GIGYF2: variants seen among roughly 807,000 people sequenced by gnomAD.
GIGYF2 encodes GRB10-interacting GYF protein 2.
GIGYF2 carries 25 observed loss-of-function variants against 208.1 expected under a neutral mutation model. The observed-to-expected ratio is 0.12, with a 90% CI of 0.09 to 0.17. The LOEUF (loss-of-function observed/expected upper bound fraction) is 0.17. GIGYF2 is among the 10% of genes least tolerant of loss of function. The probability of loss-of-function intolerance (pLI) is 1.00; values close to 1 mark genes in which losing one functional copy is unlikely to be tolerated. For synonymous variants in GIGYF2, 534 were observed against 543.8 expected, an observed-to-expected ratio of 0.98 and a Z score of 0.25; for missense variants, 1,302 against 1,579.4, an observed-to-expected ratio of 0.82 and a Z score of 2.98.
chr2:232,784,376 G>A (rs1311741689), intron 8 of GIGYF2, among the ~76,000 whole-genome samples: 3 of 129,962 alleles, frequency 2.3e-5, no homozygotes, highest in Non-Finnish European at 3.3e-5. Flanking sequence ...CTACTTACAC[G>A]AAATAATTTC....
At chr2:232,770,264 C>T (rs1342351979) in intron 8 of GIGYF2, among the ~76,000 whole-genome samples, 3 of 152,116 alleles carry the variant, frequency 2.0e-5, no homozygotes, top group Admixed American at 2.0e-4. Context: ...TTATGTATGT[C>T]ACATAAAAAG....
chr2:232,700,610 G>A (rs896265824), intron 1 of GIGYF2: 3 of 152,104 alleles, frequency 2.0e-5, no homozygotes, highest in Admixed American at 2.0e-4. Flanking sequence ...GTCTCATTAG[G>A]TTGAATCTAC....
At chr2:232,782,163 A>G (rs1699740915) in intron 8 of GIGYF2, among the ~76,000 whole-genome samples, 1 of 152,212 alleles carries the variant, frequency 6.6e-6, no homozygotes, top group African/African-American at 2.4e-5. Context: ...TTTGAGTAAA[A>G]CAAACAAGCA....
intron 3 of GIGYF2, among the ~76,000 whole-genome samples, chr2:232,738,641 G>A (rs778129346): frequency 6.6e-6 from 1 of 152,128 alleles, no homozygotes; most frequent in Admixed American, 6.6e-5. Flanking sequence ...CCAGTGCCTG[G>A]CACATAGGTA....
Position 232,767,100 on chromosome 2 carries a change from G to C in GIGYF2, c.532+5664G>C, listed in dbSNP as rs1698999826. ...TAATTTTTATAGACTATTAGATTTA[G>C]AAAGAAATAATAGAGTTCATCTAGT... On this transcript the variant is annotated intron_variant, in intron 8 of 28. Coordinates refer to ENST00000373563, the MANE Select transcript of GIGYF2 (RefSeq NM_001103146.3). 2.0e-5 allele frequency: 3 copies of C among 152,110 alleles called. No individual in the cohort carries two copies. In the South Asian group the frequency reaches 6.2e-4, roughly 31 times the overall value. The allele number at this position is 152,110 out of a possible 1,614,324, so 9.4% of individuals were successfully genotyped here.
chr2:232,792,515 A>G (rs1219909973), intron 12 of GIGYF2, among the ~76,000 whole-genome samples: 1 of 152,112 alleles, frequency 6.6e-6, no homozygotes, highest in Admixed American at 6.6e-5. Flanking sequence ...AATGGGGGAG[A>G]TCACTTGAGC....
At chr2:232,753,210 G>A (rs1211762119) in intron 5 of GIGYF2, among the ~76,000 whole-genome samples, 1 of 151,612 alleles carries the variant, frequency 6.6e-6, no homozygotes, top group Admixed American at 6.6e-5. Flanking sequence ...TGCAACCTCC[G>A]CTTCTCGGGT....
chr2:232,792,695 T>C (rs956582370), intron 12 of GIGYF2, among the ~76,000 whole-genome samples: 1 of 152,162 alleles, frequency 6.6e-6, no homozygotes, highest in African/African-American at 2.4e-5. Flanking sequence ...GCTCAGCAAG[T>C]ATTTGAATCT....
intron 19 of GIGYF2, 116 bp from the exon 20 acceptor site, chr2:232,816,755 T>G: frequency 1.3e-6 from 1 of 771,682 alleles, no homozygotes; most frequent in Non-Finnish European, 2.3e-6. Flanking sequence ...ATCACCTGGT[T>G]GCAGTGCAGT....
chr2:232,786,075 TA>T (rs1454716479), intron 8 of GIGYF2, among the ~76,000 whole-genome samples: 1 of 152,246 alleles, frequency 6.6e-6, no homozygotes, highest in Non-Finnish European at 1.5e-5. Context: ...CTTGTCCTTT[TA>T]AAATACCAGT....
chr2:232,795,074 T>A (rs1428275389), intron 13 of GIGYF2, 130 bp downstream of exon 13: 4 of 749,878 alleles, frequency 5.3e-6, no homozygotes, highest in Non-Finnish European at 9.7e-6. Context: ...ATATTTAGTG[T>A]TTATTTGTAC....
chr2:232,760,360 A>G, intron 6 of GIGYF2, 120 bp from the exon 7 acceptor site: 2 of 725,632 alleles, frequency 2.8e-6, no homozygotes, highest in South Asian at 3.0e-5. Context: ...CTCGTTCAGT[A>G]TTTAAATGTA....
rs111536538 is a variant in GIGYF2 at position 232,812,542 on chromosome 2, T to C, written c.2107+51T>C. Reference sequence around the variant, plus strand: ...ACCACTCTGAGGATTCAGAGTCTAATAATAATTTTACAATTCAGTTCTTAA... The same window carrying C: ...ACCACTCTGAGGATTCAGAGTCTAACAATAATTTTACAATTCAGTTCTTAA... On this transcript the variant is annotated intron_variant, in intron 18 of 28. Coordinates refer to ENST00000373563, the MANE Select transcript of GIGYF2 (RefSeq NM_001103146.3). 69 of 771,452 alleles carry C rather than the reference T, an allele frequency of 8.9e-5. 2 individuals carry two copies. The highest frequency in any genetic ancestry group is 8.3e-4 in the African/African-American group (49 of 58,808). The allele number at this position is 771,452 out of a possible 1,614,324, so 47.8% of individuals were successfully genotyped here. A position where few individuals can be genotyped will look rare whatever the true frequency, so the allele number is the denominator to read the frequency against.
At chr2:232,803,552 G>A (rs921247210) in intron 14 of GIGYF2, among the ~76,000 whole-genome samples, 8 of 151,686 alleles carry the variant, frequency 5.3e-5, no homozygotes, top group South Asian at 2.1e-4. Context: ...ATGAGTGTCC[G>A]TTTGCTTCGG....
chr2:232,813,358 C>T (rs914585735), intron 18 of GIGYF2, among the ~76,000 whole-genome samples: 2 of 121,766 alleles, frequency 1.6e-5, no homozygotes, highest in African/African-American at 5.2e-5. Flanking sequence ...ACTGGGTGTA[C>T]GCTATCACAC....
intron 15 of GIGYF2, among the ~76,000 whole-genome samples, chr2:232,807,732 T>C (rs1700600277): frequency 6.6e-6 from 1 of 152,156 alleles, no homozygotes; most frequent in African/African-American, 2.4e-5. Flanking sequence ...AAAGTTACCA[T>C]AAACCTTTTT....
chr2:232,729,510 C>T lies in GIGYF2; in HGVS notation c.-43-5645C>T, dbSNP rs1305997696. 6.4e-6 allele frequency: 8 copies of T among 1,251,434 alleles called. No individual in the cohort carries two copies. The Admixed American group carries it at 2.1e-4, about 33-fold the overall frequency. 77.5% of individuals were successfully genotyped at this position (1,251,434 alleles called of 1,614,324 possible). A position where few individuals can be genotyped will look rare whatever the true frequency, so the allele number is the denominator to read the frequency against. On this transcript the variant is annotated intron_variant, in intron 2 of 28. Coordinates refer to ENST00000373563, the MANE Select transcript of GIGYF2 (RefSeq NM_001103146.3). The stretch of plus-strand genomic sequence containing the variant: ...TCAAGCTTTTATTTAAATGCCATGA[C>T]CCAGGATGGATTTTAGATTTTGTTG...
Position 232,756,229 on chromosome 2 carries a change from T to G in GIGYF2, c.274T>G (p.Phe92Val). The part of the protein sequence containing the change: ...VPFTEEEQRN[F>V]SMSVNSAAVL... Reference sequence around the variant, plus strand: ...TTTTTTTTTTTTTTGGCAGAGAAACTTTTCCATGTCTGTAAATAGTGCTGC... The same window carrying G: ...TTTTTTTTTTTTTTGGCAGAGAAACGTTTCCATGTCTGTAAATAGTGCTGC... The change falls in exon 6 of 29, where the codon TTT becomes GTT. Residue 92 changes from phenylalanine to valine, a missense_variant. Phe to Val is a conservative substitution (Grantham distance 50, BLOSUM62 -1). Transcript: ENST00000373563. 8.4e-7 allele frequency: 1 copy of G among 1,185,500 alleles called. No individual in the cohort carries two copies. Among genetic ancestry groups the G allele is most frequent in the South Asian group, 1.4e-5 (1 of 71,758 alleles). The allele number at this position is 1,185,500 out of a possible 1,614,324, so 73.4% of individuals were successfully genotyped here.
In GIGYF2 at chr2:232,756,274, C is replaced by A. The variant is rs1553609649; in HGVS notation, c.319C>A (p.Arg107=). 28 of 1,578,548 alleles carry A rather than the reference C, an allele frequency of 1.8e-5. No individual in the cohort carries two copies. Among genetic ancestry groups the A allele is most frequent in the Non-Finnish European group, 2.1e-5 (25 of 1,169,582 alleles). The change falls in exon 6 of 29, where the codon CGA becomes AGA. Residue 107 remains arginine, a synonymous_variant. Transcript: ENST00000373563. ...TGCTGCTGTCCTGCGATTGACAGGA[C>A]GAGGAGGAGGAGGAACAGTGGTGGG... The part of the protein sequence containing the change: ...NSAAVLRLTG[R]GGGGTVVGAP...
Sources: gnomAD v4.1 joint callset for allele counts (sites outside exome capture counted in the v4.1 genomes callset) on GRCh38, gnomAD v4.1.1 for gene constraint, MANE v1.5 for transcripts, NCBI Gene and HGNC (gene_info 2026-07-23, HGNC 2026-07-21) for gene names.